Variants in PALM2AKAP2 observed in about 807,000 individuals in gnomAD.
PALM2AKAP2 encodes the protein PALM2-AKAP2 fusion protein.
In PALM2AKAP2, 37 loss-of-function variants were observed where a neutral mutation model predicts 71.5. The observed-to-expected ratio is 0.52, with a 90% CI of 0.40 to 0.68. The LOEUF (loss-of-function observed/expected upper bound fraction) is 0.68, where lower values mean the gene tolerates loss of function less well. Among genes scored for constraint, PALM2AKAP2 ranks in the 30% least tolerant of loss-of-function variants. The probability of loss-of-function intolerance (pLI) is 0.00; values close to 1 mark genes in which losing one functional copy is unlikely to be tolerated. For synonymous variants in PALM2AKAP2, 468 were observed against 478.8 expected (o/e 0.98, Z 0.29); for missense variants, 1,224 against 1,191.8 (o/e 1.03, Z -0.40).
intron 1 of PALM2AKAP2, among the ~76,000 whole-genome samples, chr9:110,104,543 A>G (rs994649039): frequency 1.2e-4 from 19 of 152,214 alleles, no homozygotes; most frequent in African/African-American, 4.3e-4. Flanking sequence ...CCCTTAGTTT[A>G]TCAGCTTCAC....
At chr9:110,005,975 AG>A (rs1832772806) in intron 6 of PALM2AKAP2, among the ~76,000 whole-genome samples, 1 of 152,152 alleles carries the variant, frequency 6.6e-6, no homozygotes, top group Non-Finnish European at 1.5e-5. Flanking sequence ...TGCACTTCCC[AG>A]GTGAGGCAAT....
At chr9:109,972,814 C>G (rs1215937644) in intron 6 of PALM2AKAP2, among the ~76,000 whole-genome samples, 1 of 152,198 alleles carries the variant, frequency 6.6e-6, no homozygotes, top group African/African-American at 2.4e-5. Context: ...CCCTATATCT[C>G]CTGCACAATT....
chr9:109,881,082 A>T (rs776440291), intron 3 of PALM2AKAP2, among the ~76,000 whole-genome samples: 1 of 151,786 alleles, frequency 6.6e-6, no homozygotes, highest in East Asian at 1.9e-4. Context: ...GTTCCCTTCT[A>T]CGTGTCCGTG....
chr9:109,765,981 G>A (rs1183802683), intron 1 of PALM2AKAP2, among the ~76,000 whole-genome samples: 1 of 152,212 alleles, frequency 6.6e-6, no homozygotes. Flanking sequence ...CATATGCAGA[G>A]TGTCACATGC....
chr9:109,710,783 T>C (rs917290041), intron 1 of PALM2AKAP2, among the ~76,000 whole-genome samples: 4 of 152,204 alleles, frequency 2.6e-5, no homozygotes, highest in Admixed American at 6.5e-5. Context: ...ACAACTTTGC[T>C]TAAGCTCAGA....
chr9:109,674,411 C>T (rs1827619914), intron 1 of PALM2AKAP2, among the ~76,000 whole-genome samples: 1 of 151,934 alleles, frequency 6.6e-6, no homozygotes, highest in Non-Finnish European at 1.5e-5. Context: ...ATATGCCGTA[C>T]ATTAAAAATA....
At chr9:109,695,387 A>C (rs182443121) in intron 1 of PALM2AKAP2, among the ~76,000 whole-genome samples, 1 of 152,136 alleles carries the variant, frequency 6.6e-6, no homozygotes, top group Admixed American at 6.5e-5. Flanking sequence ...ACTGTTTTCT[A>C]TGGTGGCTGT....
intron 1 of PALM2AKAP2, among the ~76,000 whole-genome samples, chr9:109,763,408 G>C (rs1829092489): frequency 6.6e-6 from 1 of 152,124 alleles, no homozygotes; most frequent in Non-Finnish European, 1.5e-5. Flanking sequence ...GCAACCCTAG[G>C]TCAAATACCT....
rs569325602 is a variant in PALM2AKAP2 at position 109,837,951 on chromosome 9, T to A, written c.46-29540T>A. Among the ~76,000 whole-genome samples, 15 of 152,212 alleles carry A rather than the reference T, an allele frequency of 9.9e-5. No homozygotes were observed. In the South Asian group the frequency reaches 2.9e-3, roughly 29 times the overall value. On this transcript the variant is annotated intron_variant, in intron 1 of 9. Coordinates refer to the PALM2AKAP2 transcript ENST00000302798. ...AATGGGAGACTTTAACACCCCACTA[T>A]CAACATTAGACAGATAACGAGACAG... is the stretch of plus-strand genomic sequence containing the variant.
rs116731347 is a variant in PALM2AKAP2, at chr9:109,968,537, G to A, written c.496+36509G>A. 9.0e-3 allele frequency among the ~76,000 whole-genome samples: 1,375 copies of A among 152,260 alleles called. 16 individuals are homozygous for A. Among genetic ancestry groups the A allele is most frequent in the African/African-American group, 0.031 (1,293 of 41,554 alleles). On this transcript the variant is annotated intron_variant, in intron 6 of 9. Coordinates refer to the PALM2AKAP2 transcript ENST00000302798. ...GTACTCTCCCAAGACAAAAGTCCCT[G>A]TCTCTGGCCACTCTGTTGGGTTTCA...
At chr9:109,695,103 T>A (rs1564116062) in intron 1 of PALM2AKAP2, among the ~76,000 whole-genome samples, 1 of 152,202 alleles carries the variant, frequency 6.6e-6, no homozygotes, top group Non-Finnish European at 1.5e-5. Flanking sequence ...ACTGAATAAT[T>A]TTTTATAATC....
Position 109,967,194 on chromosome 9 carries a change from T to G in PALM2AKAP2, c.496+35166T>G, listed in dbSNP as rs148927582. ...TGGCTGTTGGGACCTCAGCTGGGGC[T>G]GTCAGCGAGAACATCTCCCCAGGGC... On this transcript the variant is annotated intron_variant, in intron 6 of 9. Transcript: ENST00000302798. 1.2e-3 allele frequency among the ~76,000 whole-genome samples: 177 copies of G among 152,264 alleles called. 1 individual carries two copies. Among genetic ancestry groups the G allele is most frequent in the African/African-American group, 4.0e-3 (165 of 41,560 alleles).
Position 109,823,241 on chromosome 9 carries a change from T to G in PALM2AKAP2, c.45+42708T>G, listed in dbSNP as rs572029126. 1.2e-4 allele frequency among the ~76,000 whole-genome samples: 19 copies of G among 152,124 alleles called. No homozygotes were observed. In the South Asian group the frequency reaches 3.5e-3, roughly 28 times the overall value. On this transcript the variant is annotated intron_variant, in intron 1 of 9. Transcript: ENST00000302798. ...ACACACAGACACATGCCCAAATCCCTCTCATGGCTACACATCCAACCAGAG... is the reference window on the plus strand; with the variant it reads ...ACACACAGACACATGCCCAAATCCCGCTCATGGCTACACATCCAACCAGAG...
At chr9:109,762,198 T>C (rs1359226051) in intron 1 of PALM2AKAP2, among the ~76,000 whole-genome samples, 1 of 152,076 alleles carries the variant, frequency 6.6e-6, no homozygotes, top group East Asian at 1.9e-4. Flanking sequence ...TAAACCTATG[T>C]AGTTCCCAAA....
intron 1 of PALM2AKAP2, among the ~76,000 whole-genome samples, chr9:109,645,918 A>C (rs1827145529): frequency 6.6e-6 from 1 of 152,244 alleles, no homozygotes; most frequent in South Asian, 2.1e-4. Context: ...AATAAAATTT[A>C]CAAAAGGTCT....
At chr9:109,998,461 G>C (rs116940565) in intron 6 of PALM2AKAP2, among the ~76,000 whole-genome samples, 1,656 of 152,132 alleles carry the variant, frequency 0.011, 21 homozygotes, top group Middle Eastern at 0.027. Flanking sequence ...GGCTGAGAAG[G>C]GTATACCAAA....
At chr9:109,858,325 T>C (rs1310933400) in intron 1 of PALM2AKAP2, among the ~76,000 whole-genome samples, 1 of 150,254 alleles carries the variant, frequency 6.7e-6, no homozygotes, top group African/African-American at 2.5e-5. Context: ...CAGTGACCAC[T>C]ATGTAAATGT....
At chr9:109,932,166 C>G (rs1831119019) in intron 6 of PALM2AKAP2, 138 bp downstream of exon 6, 2 of 943,120 alleles carry the variant, frequency 2.1e-6, no homozygotes, top group Non-Finnish European at 2.9e-6. Flanking sequence ...GCAGCCTTCA[C>G]AGTGGCCACA....
intron 1 of PALM2AKAP2, chr9:110,090,273 G>A (rs1588102393): frequency 2.2e-6 from 1 of 446,678 alleles, no homozygotes; most frequent in Admixed American, 2.4e-5. Context: ...AGAGGGCTGT[G>A]TTCCTGTGTC....
Sources: gnomAD v4.1 joint callset for allele counts (sites outside exome capture counted in the v4.1 genomes callset) on GRCh38, gnomAD v4.1.1 for gene constraint, MANE v1.5 for transcripts, NCBI Gene and HGNC (gene_info 2026-07-23, HGNC 2026-07-21) for gene names.